The following RABGEF1 variants were observed in gnomAD, a reference collection of about 807,000 sequenced individuals.
RABGEF1 encodes the protein RAB guanine nucleotide exchange factor 1.
Under a neutral mutation model 57.3 loss-of-function variants are expected in RABGEF1, and 26 were observed. The ratio of observed to expected loss-of-function variants is 0.45; its 90% CI spans 0.33 to 0.63. The LOEUF (loss-of-function observed/expected upper bound fraction) is 0.63, where lower values mean the gene tolerates loss of function less well. Ranked by LOEUF, RABGEF1 falls within the 20% of genes least tolerant of loss-of-function variation. RABGEF1 has a pLI of 0.02. For synonymous variants in RABGEF1, 185 were observed against 210.7 expected (o/e 0.88, Z 1.06); for missense variants, 464 against 607.6 (o/e 0.76, Z 2.48).
intron 1 of RABGEF1, among the ~76,000 whole-genome samples, chr7:66,765,770 A>G (rs1489350205): frequency 6.6e-6 from 1 of 152,192 alleles, no homozygotes; most frequent in Admixed American, 6.5e-5. Context: ...ACACAGTTGG[A>G]GGCAATCAGC....
the RABGEF1 span, among the ~76,000 whole-genome samples, chr7:66,662,938 G>T: frequency 6.6e-6 from 1 of 152,142 alleles, no homozygotes; most frequent in African/African-American, 2.4e-5. Context: ...GCATGTGCAG[G>T]TGTGCGTGTG....
intron 1 of RABGEF1, among the ~76,000 whole-genome samples, chr7:66,702,993 A>T (rs778669041): frequency 1.3e-5 from 2 of 151,954 alleles, no homozygotes; most frequent in Non-Finnish European, 2.9e-5. Flanking sequence ...GTTTTTGAGA[A>T]GGAGTCTCGC....
At chr7:66,682,256 G>C (rs1224856502) in exon 1 of RABGEF1, 1 of 163,560 alleles carries the variant, frequency 6.1e-6, no homozygotes, top group African/African-American at 2.4e-5. Context: ...ACACGCGGGC[G>C]AGGTACGGAG....
intron 1 of RABGEF1, among the ~76,000 whole-genome samples, chr7:66,756,564 T>A (rs969064833): frequency 2.6e-5 from 4 of 151,790 alleles, no homozygotes; most frequent in South Asian, 4.2e-4. Flanking sequence ...CCTGTTCAGA[T>A]TTTTTTTTCT....
chr7:66,737,091 AGC>A (rs1206024365), upstream of RABGEF1, among the ~76,000 whole-genome samples: 3 of 129,184 alleles, frequency 2.3e-5, no homozygotes, highest in African/African-American at 5.6e-5. Flanking sequence ...AGAGAGCGAG[AGC>A]GAGAGAGAGA....
At chr7:66,746,676 T>C (rs1482091778) in intron 1 of RABGEF1, among the ~76,000 whole-genome samples, 1 of 143,536 alleles carries the variant, frequency 7.0e-6, no homozygotes, top group Admixed American at 7.5e-5. Context: ...CAGGCTGGAG[T>C]GTGGTGGCAC....
At chr7:66,771,081 G>A (rs1806995601) in intron 1 of RABGEF1, among the ~76,000 whole-genome samples, 1 of 152,104 alleles carries the variant, frequency 6.6e-6, no homozygotes, top group Admixed American at 6.6e-5. Context: ...CATTCTGTGT[G>A]TTGTTCCTTT....
intron 4 of RABGEF1, among the ~76,000 whole-genome samples, chr7:66,787,286 G>A (rs1811405936): frequency 6.8e-6 from 1 of 146,492 alleles, no homozygotes; most frequent in South Asian, 2.1e-4. Context: ...TGCCCGCCTT[G>A]GCCTCCCAAA....
chr7:66,688,106 A>G (rs934563249), intron 1 of RABGEF1, among the ~76,000 whole-genome samples: 1 of 136,186 alleles, frequency 7.3e-6, no homozygotes, highest in African/African-American at 2.6e-5. Flanking sequence ...AAAAAAAAAA[A>G]AGTAACCAAA....
chr7:66,784,476 G>A (rs895763090), intron 4 of RABGEF1, among the ~76,000 whole-genome samples: 1 of 152,174 alleles, frequency 6.6e-6, no homozygotes, highest in Non-Finnish European at 1.5e-5. Flanking sequence ...TAATTAATAA[G>A]ACTGCCTGTA....
chr7:66,761,867 A>G (rs963270006), intron 1 of RABGEF1, among the ~76,000 whole-genome samples: 1 of 152,154 alleles, frequency 6.6e-6, no homozygotes, highest in Non-Finnish European at 1.5e-5. Flanking sequence ...CCTGGCCAAC[A>G]TGGTGAAACC....
At chr7:66,700,026 G>A (rs560545541) in intron 1 of RABGEF1, among the ~76,000 whole-genome samples, 2 of 152,282 alleles carry the variant, frequency 1.3e-5, no homozygotes, top group East Asian at 3.9e-4. Flanking sequence ...CCCAACTCAG[G>A]GGAGGCAGTG....
chr7:66,726,297 C>T (rs1022289099), intron 2 of RABGEF1, among the ~76,000 whole-genome samples: 1 of 152,192 alleles, frequency 6.6e-6, no homozygotes, highest in African/African-American at 2.4e-5. Context: ...CTCTTGTTCT[C>T]TCACCTGTGG....
chr7:66,808,763 A>G lies in RABGEF1; in HGVS notation c.1078-123A>G, dbSNP rs185553931. The G allele has an allele frequency of 8.4e-6, 9 of 1,069,974 alleles. No individual in the cohort carries two copies. In the East Asian group the frequency reaches 1.8e-4, roughly 21 times the overall value. The allele number at this position is 1,069,974 out of a possible 1,614,324, so 66.3% of individuals were successfully genotyped here. ...TTGAGGCTGAAATACACAGAAGTTCATGAGTTTGTTTTGTTTACTTTAGCT... is the reference window on the plus strand; with the variant it reads ...TTGAGGCTGAAATACACAGAAGTTCGTGAGTTTGTTTTGTTTACTTTAGCT... On this transcript the variant is annotated intron_variant, in intron 8 of 8. Transcript: ENST00000284957.
intron 1 of RABGEF1, among the ~76,000 whole-genome samples, chr7:66,706,550 C>T (rs1483164994): frequency 6.6e-6 from 1 of 151,252 alleles, no homozygotes; most frequent in Non-Finnish European, 1.5e-5. Flanking sequence ...GCTGGGACTA[C>T]AGGTGTGTGC....
intron 1 of RABGEF1, among the ~76,000 whole-genome samples, chr7:66,682,589 TCCCCGTCCAGG>T (rs888932375): frequency 1.3e-5 from 2 of 151,978 alleles, no homozygotes; most frequent in Non-Finnish European, 2.9e-5. Flanking sequence ...GGCTCCCACT[TCCCCGTCCAGG>T]ATGCTGGCTC....
chr7:66,767,147 C>T (rs1392333361), intron 1 of RABGEF1, among the ~76,000 whole-genome samples: 8 of 151,908 alleles, frequency 5.3e-5, no homozygotes, highest in East Asian at 1.9e-4. Context: ...GGATTACAGA[C>T]GTCTGCCACC....
the RABGEF1 span, among the ~76,000 whole-genome samples, chr7:66,661,052 G>A: frequency 6.6e-6 from 1 of 152,142 alleles, no homozygotes; most frequent in Admixed American, 6.5e-5. Context: ...GCCCATGCCT[G>A]TAACCCCAGC....
chr7:66,711,625 C>T (rs1260084243), intron 1 of RABGEF1, among the ~76,000 whole-genome samples: 1 of 151,440 alleles, frequency 6.6e-6, no homozygotes, highest in Non-Finnish European at 1.5e-5. Flanking sequence ...CTTGCTCTGT[C>T]ACCCAGGCTG....
Sources: allele counts gnomAD v4.1 joint callset (sites outside exome capture counted in the v4.1 genomes callset), GRCh38; gene constraint gnomAD v4.1.1; transcripts MANE v1.5; gene names NCBI Gene and HGNC (gene_info 2026-07-23, HGNC 2026-07-21).